HSBP1L1: variants seen among roughly 807,000 people sequenced by gnomAD.
HSBP1L1 encodes the protein heat shock factor-binding protein 1-like protein 1.
HSBP1L1 carries 8 observed loss-of-function variants against 9.7 expected under a neutral mutation model. The ratio of observed to expected loss-of-function variants is 0.82; its 90% CI spans 0.48 to 1.48. The LOEUF (loss-of-function observed/expected upper bound fraction) is 1.48, where lower values mean the gene tolerates loss of function less well. HSBP1L1 is among the 40% of genes most tolerant of loss of function. The probability of loss-of-function intolerance (pLI) is 0.00; values close to 1 mark genes in which losing one functional copy is unlikely to be tolerated. For synonymous variants in HSBP1L1, 39 were observed against 34.4 expected (o/e 1.13, Z -0.46); for missense variants, 106 against 95.8 (o/e 1.11, Z -0.44).
At position 79,968,330 on chromosome 18, in the gene HSBP1L1, C is replaced by T. The variant is rs2051267997; in HGVS notation, c.213+147C>T. On this transcript the variant is annotated intron_variant, in intron 3 of 3. Coordinates refer to ENST00000451882, the MANE Select transcript of HSBP1L1 (RefSeq NM_001136180.2). ...CTCAGGAATAATAAATTTCCAAATG[C>T]TCTCTTCTTTTTTTGAGGTGGAGTC... 16 of 602,280 alleles carry T rather than the reference C, an allele frequency of 2.7e-5. No individual in the cohort carries two copies. The South Asian group carries it at 3.2e-4, about 12-fold the overall frequency. 37.3% of individuals were successfully genotyped at this position (602,280 alleles called of 1,614,324 possible). A position where few individuals can be genotyped will look rare whatever the true frequency, so the allele number is the denominator to read the frequency against.
Position 79,970,603 on chromosome 18 carries a change from G to T in HSBP1L1, c.*152G>T. 1.6e-6 allele frequency: 1 copy of T among 623,848 alleles called. No individual in the cohort carries two copies. The highest frequency in any genetic ancestry group is 3.0e-6 in the Non-Finnish European group (1 of 334,030). 38.6% of individuals were successfully genotyped at this position (623,848 alleles called of 1,614,324 possible). The stretch of plus-strand genomic sequence containing the variant: ...CTCTCCCCTCCGTGCCTGCACCAGA[G>T]AAGGAGGCCATCGGCAAGCCAAGGA... On this transcript the variant is annotated 3_prime_UTR_variant, in exon 4 of 4. Coordinates refer to ENST00000451882, the MANE Select transcript of HSBP1L1 (RefSeq NM_001136180.2).
intron 3 of HSBP1L1, chr18:79,970,142 C>G (rs1029914679): frequency 1.5e-5 from 5 of 332,720 alleles, no homozygotes; most frequent in Admixed American, 3.8e-5. Context: ...AAATTCTTAT[C>G]CTCTGTTGCT....
At chr18:79,969,339 GAAAGAAAGAAAGAAAGAAA>G (rs2051279259) in intron 3 of HSBP1L1, among the ~76,000 whole-genome samples, 1 of 18,780 alleles carries the variant, frequency 5.3e-5, no homozygotes, top group Non-Finnish European at 1.4e-4. Flanking sequence ...GAAAAAGAAA[GAAAGAAAGAAAGAAAGAAA>G]GAAAGAAAGA....
At chr18:79,964,930 G>A in intron 1 of HSBP1L1, 144 bp downstream of exon 1, 1 of 413,788 alleles carries the variant, frequency 2.4e-6, no homozygotes, top group Non-Finnish European at 4.1e-6. Context: ...GGGGGCCTGC[G>A]ATCCTGAGGA....
At chr18:79,966,793 T>C (rs1296955392) in intron 2 of HSBP1L1, 115 bp downstream of exon 2, 1 of 779,814 alleles carries the variant, frequency 1.3e-6, no homozygotes, top group Non-Finnish European at 2.1e-6. Flanking sequence ...GATTTCCCAG[T>C]ATTTACTTCT....
intron 2 of HSBP1L1, chr18:79,967,882 T>C (rs2051265499): frequency 2.3e-6 from 1 of 437,734 alleles, no homozygotes; most frequent in Non-Finnish European, 4.0e-6. Context: ...GGGAGCCACG[T>C]TTTCTAAGCT....
chr18:79,968,137 A>T lies in HSBP1L1; in HGVS notation c.167A>T (p.Asp56Val). The change falls in exon 3 of 4, where the codon GAC becomes GTC. Residue 56 changes from aspartate (D) to valine (V), a missense_variant. Transcript: ENST00000451882. Reference protein sequence around the residue: ...RIEDLQKNVKDLMVQAGIENS... With the variant: ...RIEDLQKNVKVLMVQAGIENS... ...GAGGACTTACAGAAGAATGTCAAGG[A>T]CTTAATGGTGCAAGCTGGCATTGAA... The T allele has an allele frequency of 1.3e-6, 2 of 1,549,958 alleles. No individual in the cohort carries two copies. The highest frequency in any genetic ancestry group is 1.7e-6 in the Non-Finnish European group (2 of 1,145,522).
At chr18:79,969,321 GAAA>G (rs2051277789) in intron 3 of HSBP1L1, among the ~76,000 whole-genome samples, 5 of 105,524 alleles carry the variant, frequency 4.7e-5, no homozygotes, top group African/African-American at 1.1e-4. Context: ...AGGAAAGAAA[GAAA>G]GAAAGAAAAA....
intron 1 of HSBP1L1, among the ~76,000 whole-genome samples, chr18:79,965,073 CTGCGATCCTCGGGGGGCCT>C (rs886739103): frequency 3.3e-5 from 4 of 122,030 alleles, no homozygotes; most frequent in Non-Finnish European, 4.9e-5. Flanking sequence ...CTGGGGGACC[CTGCGATCCTCGGGGGGCCT>C]GAGGTCCTGG....
At position 79,966,587 on chromosome 18, in the gene HSBP1L1, A is replaced by G. The variant is rs1359001601; in HGVS notation, c.52-25A>G. The G allele has an allele frequency of 1.7e-5, 26 of 1,517,838 alleles. No homozygotes were observed. In the Admixed American group the frequency reaches 1.8e-4, roughly 11 times the overall value. 94.0% of individuals were successfully genotyped at this position (1,517,838 alleles called of 1,614,324 possible). A position where few individuals can be genotyped will look rare whatever the true frequency, so the allele number is the denominator to read the frequency against. On this transcript the variant is annotated intron_variant, in intron 1 of 3. Transcript: ENST00000451882. ...TATGCCAACAGTAAATATTTATTCA[A>G]TTGTCTTACGGTTTATTTTTTCAGG...
At chr18:79,964,843 G>A in intron 1 of HSBP1L1, 57 bp downstream of exon 1, 1 of 372,020 alleles carries the variant, frequency 2.7e-6, no homozygotes, top group Non-Finnish European at 4.1e-6. Context: ...TGCGGTTCTG[G>A]GGGGTTTTGA....
intron 3 of HSBP1L1, among the ~76,000 whole-genome samples, chr18:79,969,331 A>AAAGAAAG (rs1555716339): frequency 6.9e-5 from 5 of 72,022 alleles, no homozygotes; most frequent in African/African-American, 5.8e-5. Flanking sequence ...GAAAGAAAGA[A>AAAGAAAG]AAAGAAAGAA....
intron 3 of HSBP1L1, among the ~76,000 whole-genome samples, chr18:79,969,325 G>GAA (rs1568356547): frequency 2.9e-4 from 29 of 101,718 alleles, no homozygotes; most frequent in African/African-American, 5.2e-4. Context: ...AAGAAAGAAA[G>GAA]AAAGAAAAAG....
intron 1 of HSBP1L1, among the ~76,000 whole-genome samples, chr18:79,965,033 G>GC (rs2051249963): frequency 7.7e-6 from 1 of 130,074 alleles, no homozygotes; most frequent in African/African-American, 2.9e-5. Context: ...TCCTGGGGGG[G>GC]CCTGAGGTGC....
At chr18:79,966,871 G>A (rs551691583) in intron 2 of HSBP1L1, 193 bp downstream of exon 2, 29 of 507,146 alleles carry the variant, frequency 5.7e-5, no homozygotes, top group Middle Eastern at 5.5e-4. Context: ...ACCTCCGGCC[G>A]GGTGCAGTGG....
Position 79,968,082 on chromosome 18 carries a change from AC to A in HSBP1L1, c.119-6del, listed in dbSNP as rs2051266374. 1 of 1,536,896 alleles carries A rather than the reference AC, an allele frequency of 6.5e-7. No individual in the cohort carries two copies. Among genetic ancestry groups the A allele is most frequent in the Admixed American group, 2.0e-5 (1 of 50,840 alleles). On this transcript the variant is annotated splice_polypyrimidine_tract_variant and splice_region_variant and intron_variant, in intron 2 of 3. Coordinates refer to ENST00000451882, the MANE Select transcript of HSBP1L1 (RefSeq NM_001136180.2). ...CCAGCTCTACGCAGAGCGCCTTAACACTGTACTGGAAGAAATGGGAAATCGC... is the reference window on the plus strand; with the variant it reads ...CCAGCTCTACGCAGAGCGCCTTAACATGTACTGGAAGAAATGGGAAATCGC...
intron 3 of HSBP1L1, among the ~76,000 whole-genome samples, chr18:79,969,654 G>A (rs1381296156): frequency 6.6e-6 from 1 of 152,214 alleles, no homozygotes; most frequent in Admixed American, 6.5e-5. Flanking sequence ...ACCTAACCAA[G>A]TTTCCTGCAG....
At chr18:79,970,157 G>C in intron 3 of HSBP1L1, 1 of 366,240 alleles carries the variant, frequency 2.7e-6, no homozygotes, top group South Asian at 3.6e-5. Context: ...GTTGCTGGCT[G>C]TAACCTGGGG....
rs1037757966 is a variant in HSBP1L1, at chr18:79,970,523, G to A, written c.*72G>A. The A allele has an allele frequency of 1.4e-6, 1 of 717,300 alleles. No individual in the cohort carries two copies. The highest frequency in any genetic ancestry group is 2.6e-6 in the Non-Finnish European group (1 of 384,266). 44.4% of individuals were successfully genotyped at this position (717,300 alleles called of 1,614,324 possible). A position where few individuals can be genotyped will look rare whatever the true frequency, so the allele number is the denominator to read the frequency against. On this transcript the variant is annotated 3_prime_UTR_variant, in exon 4 of 4. Coordinates refer to ENST00000451882, the MANE Select transcript of HSBP1L1 (RefSeq NM_001136180.2). ...AAGGTTACATCGGTCCTGAGGGTGG[G>A]GCCCTCATCCAACAGGATTCGTCTT... is the stretch of plus-strand genomic sequence containing the variant.
Sources: allele counts gnomAD v4.1 joint callset (sites outside exome capture counted in the v4.1 genomes callset), GRCh38; gene constraint gnomAD v4.1.1; transcripts MANE v1.5; gene names NCBI Gene and HGNC (gene_info 2026-07-23, HGNC 2026-07-21).